ANK1: variants seen among roughly 807,000 people sequenced by gnomAD.
ANK1 encodes the protein ankyrin 1, also known as ankyrin-1.
ANK1 carries 51 observed loss-of-function variants against 210.4 expected under a neutral mutation model. That is an observed-to-expected ratio of 0.24 (90% CI 0.19 to 0.31). The LOEUF (loss-of-function observed/expected upper bound fraction) is 0.31, where lower values mean the gene tolerates loss of function less well. ANK1 is among the 10% of genes least tolerant of loss of function. ANK1 has a pLI of 1.00. For synonymous variants in ANK1, 967 were observed against 1,025.9 expected, an observed-to-expected ratio of 0.94 and a Z score of 1.10; for missense variants, 2,051 against 2,504.4, an observed-to-expected ratio of 0.82 and a Z score of 3.86.
At chr8:41,658,302 C>T (rs181450600) in intron 42 of ANK1, among the ~76,000 whole-genome samples, 12 of 152,366 alleles carry the variant, frequency 7.9e-5, no homozygotes, top group African/African-American at 2.9e-4. Context: ...CTCCGAGTCA[C>T]ACTACAAACA....
chr8:41,778,879 G>A (rs887317767), intron 1 of ANK1, among the ~76,000 whole-genome samples: 1 of 152,226 alleles, frequency 6.6e-6, no homozygotes, highest in Non-Finnish European at 1.5e-5. Flanking sequence ...GAACACACAG[G>A]CAGGAAGCCC....
At chr8:41,841,986 A>G (rs1172247930) in intron 1 of ANK1, among the ~76,000 whole-genome samples, 2 of 152,192 alleles carry the variant, frequency 1.3e-5, no homozygotes, top group African/African-American at 2.4e-5. Context: ...CGTGTGTTCA[A>G]ACCCACACAC....
chr8:41,782,145 C>T (rs1445624156), intron 1 of ANK1, among the ~76,000 whole-genome samples: 1 of 152,204 alleles, frequency 6.6e-6, no homozygotes, highest in Non-Finnish European at 1.5e-5. Flanking sequence ...CACTTGGGCC[C>T]GGGGCCCTTT....
At chr8:41,819,771 C>T (rs938535657) in intron 1 of ANK1, among the ~76,000 whole-genome samples, 5 of 152,228 alleles carry the variant, frequency 3.3e-5, no homozygotes, top group African/African-American at 1.2e-4. Context: ...CACATGCACC[C>T]CAGCCTGGCA....
chr8:41,723,492 A>G (rs762346994), intron 8 of ANK1, 43 bp downstream of exon 8: 121 of 1,576,266 alleles, frequency 7.7e-5, no homozygotes, highest in Non-Finnish European at 9.1e-5. Flanking sequence ...GTGAGGGGGG[A>G]CCTCCCTCCC....
chr8:41,783,766 TA>T (rs1304597182), intron 1 of ANK1, among the ~76,000 whole-genome samples: 1 of 152,150 alleles, frequency 6.6e-6, no homozygotes, highest in Non-Finnish European at 1.5e-5. Flanking sequence ...GGAAGCATAT[TA>T]CAGCCCTGAG....
At chr8:41,847,269 G>A (rs1029768396) in intron 1 of ANK1, among the ~76,000 whole-genome samples, 3 of 152,228 alleles carry the variant, frequency 2.0e-5, no homozygotes, top group African/African-American at 7.2e-5. Flanking sequence ...GGACACTTAG[G>A]GATGACACCT....
chr8:41,823,484 G>T (rs1322856605), intron 1 of ANK1, among the ~76,000 whole-genome samples: 1 of 152,072 alleles, frequency 6.6e-6, no homozygotes, highest in Non-Finnish European at 1.5e-5. Context: ...ATAAACACAG[G>T]TATCCACTAC....
intron 7 of ANK1, among the ~76,000 whole-genome samples, chr8:41,724,229 C>T (rs1269724094): frequency 6.6e-6 from 1 of 152,206 alleles, no homozygotes. Flanking sequence ...CTCCAGGTTT[C>T]CCATTTTTAG....
At chr8:41,741,241 C>T (rs1167596527) in intron 2 of ANK1, among the ~76,000 whole-genome samples, 3 of 152,158 alleles carry the variant, frequency 2.0e-5, no homozygotes, top group East Asian at 3.8e-4. Context: ...TCTGGAGAAG[C>T]GGTGAAAGCT....
chr8:41,880,809 G>A (rs747845274), intron 1 of ANK1, among the ~76,000 whole-genome samples: 3 of 152,248 alleles, frequency 2.0e-5, no homozygotes, highest in Non-Finnish European at 4.4e-5. Context: ...CGGCAGAGGC[G>A]CCTGGTGGGT....
chr8:41,776,275 T>C (rs968153434), intron 1 of ANK1, among the ~76,000 whole-genome samples: 42 of 152,120 alleles, frequency 2.8e-4, no homozygotes, highest in African/African-American at 9.9e-4. Context: ...TCAGAAAAAA[T>C]GCCAGCCACC....
intron 1 of ANK1, among the ~76,000 whole-genome samples, chr8:41,857,352 C>G (rs965598176): frequency 6.6e-6 from 1 of 151,626 alleles, no homozygotes; most frequent in Non-Finnish European, 1.5e-5. Flanking sequence ...AATCCCAGCA[C>G]TTTGGGAGGC....
intron 37 of ANK1, 36 bp downstream of exon 37, chr8:41,684,508 C>A (rs373051623): frequency 1.8e-5 from 29 of 1,611,924 alleles, no homozygotes; most frequent in Non-Finnish European, 2.4e-5. Context: ...GGGCAGGGCT[C>A]CGGCTCAGTC....
intron 1 of ANK1, among the ~76,000 whole-genome samples, chr8:41,847,937 G>C (rs1056153852): frequency 6.6e-6 from 1 of 152,166 alleles, no homozygotes; most frequent in East Asian, 1.9e-4. Flanking sequence ...GGGAGGCCGA[G>C]GCGGGCAGAT....
At chr8:41,769,369 A>G (rs1402943426) in intron 1 of ANK1, among the ~76,000 whole-genome samples, 1 of 152,066 alleles carries the variant, frequency 6.6e-6, no homozygotes, top group East Asian at 1.9e-4. Flanking sequence ...TCTGAAAACC[A>G]CCTTCCAGAT....
intron 1 of ANK1, among the ~76,000 whole-genome samples, chr8:41,882,932 C>T (rs914210906): frequency 4.6e-5 from 7 of 152,210 alleles, no homozygotes; most frequent in Admixed American, 3.9e-4. Flanking sequence ...CCATTCTGCC[C>T]CCTGCATTCC....
In ANK1 at chr8:41,653,438, A is replaced by C. The variant is rs1362291276; in HGVS notation, c.*2352T>G. ...GTGCAGACTGCAGCATTCTCTAGGC[A>C]TCGTGTGGAGACCCCAAACTCCTCC... On this transcript the variant is annotated 3_prime_UTR_variant, in exon 43 of 43. Transcript: ENST00000289734. The C allele has an allele frequency of 6.5e-6, 1 of 152,694 alleles. No homozygotes were observed. The highest frequency in any genetic ancestry group is 1.9e-4 in the East Asian group (1 of 5,192). 9.5% of individuals were successfully genotyped at this position (152,694 alleles called of 1,614,324 possible). A position where few individuals can be genotyped will look rare whatever the true frequency, so the allele number is the denominator to read the frequency against.
intron 1 of ANK1, among the ~76,000 whole-genome samples, chr8:41,862,660 C>CAA (rs60114930): frequency 1.9e-3 from 186 of 99,624 alleles, no homozygotes; most frequent in East Asian, 5.6e-3. Flanking sequence ...GAGGCTCAGA[C>CAA]AAAAAAAAAA....
Sources: gnomAD v4.1 joint callset for allele counts (sites outside exome capture counted in the v4.1 genomes callset) on GRCh38, gnomAD v4.1.1 for gene constraint, MANE v1.5 for transcripts, NCBI Gene and HGNC (gene_info 2026-07-23, HGNC 2026-07-21) for gene names.